The following PTPRD variants were observed in gnomAD, a reference collection of about 807,000 sequenced individuals.
PTPRD encodes protein tyrosine phosphatase receptor type D, also known as receptor-type tyrosine-protein phosphatase delta.
Under a neutral mutation model 214.5 loss-of-function variants are expected in PTPRD, and 34 were observed. That is an observed-to-expected ratio of 0.16 (90% CI 0.12 to 0.21). The LOEUF (loss-of-function observed/expected upper bound fraction) is 0.21. Among genes scored for constraint, PTPRD ranks in the 10% least tolerant of loss-of-function variants. The pLI is 1.00. For missense variants in PTPRD, 2,545 were observed against 2,398.7 expected (o/e 1.06, Z -1.27); for synonymous variants, 1,128 against 845.7 (o/e 1.33, Z -5.79).
intron 2 of PTPRD, among the ~76,000 whole-genome samples, chr9:10,471,154 G>A (rs11793666): frequency 0.13 from 10,361 of 77,520 alleles, 566 homozygotes; most frequent in East Asian, 0.49. Context: ...GTGGGTTGGG[G>A]GCTAGGGGAA....
intron 3 of PTPRD, among the ~76,000 whole-genome samples, chr9:10,127,229 G>A (rs957771931): frequency 6.6e-6 from 1 of 152,082 alleles, no homozygotes; most frequent in Non-Finnish European, 1.5e-5. Flanking sequence ...CACAAACGGT[G>A]CCAGAGTACT....
At chr9:10,243,449 T>G (rs1595157249) in intron 3 of PTPRD, among the ~76,000 whole-genome samples, 1 of 152,136 alleles carries the variant, frequency 6.6e-6, no homozygotes, top group Middle Eastern at 3.4e-3. Context: ...AAACTTACAT[T>G]TCTATAACAC....
At chr9:8,823,271 T>G (rs749070256) in intron 11 of PTPRD, among the ~76,000 whole-genome samples, 4 of 152,200 alleles carry the variant, frequency 2.6e-5, no homozygotes, top group Non-Finnish European at 2.9e-5. Context: ...AATTCCTGGA[T>G]GATTTCATCC....
At chr9:9,880,371 G>A (rs12345220) in intron 5 of PTPRD, among the ~76,000 whole-genome samples, 69 of 152,256 alleles carry the variant, frequency 4.5e-4, no homozygotes, top group Non-Finnish European at 7.5e-4. Context: ...AGATAACTAC[G>A]TGGTTAATGG....
At chr9:10,145,535 A>G (rs762980700) in intron 3 of PTPRD, among the ~76,000 whole-genome samples, 16 of 152,184 alleles carry the variant, frequency 1.1e-4, no homozygotes, top group Non-Finnish European at 2.1e-4. Flanking sequence ...AATACAGAAT[A>G]TAATATATAG....
At chr9:9,109,039 G>C (rs1345923982) in intron 10 of PTPRD, among the ~76,000 whole-genome samples, 2 of 151,996 alleles carry the variant, frequency 1.3e-5, no homozygotes, top group Non-Finnish European at 2.9e-5. Flanking sequence ...CTCTCCTTTA[G>C]GCAAGAATAA....
intron 11 of PTPRD, among the ~76,000 whole-genome samples, chr9:8,776,553 A>G (rs1472809885): frequency 6.6e-6 from 1 of 151,894 alleles, no homozygotes; most frequent in Non-Finnish European, 1.5e-5. Context: ...CGGCCTCCCA[A>G]AGTGCTGTGA....
rs376350043 is a variant in PTPRD at position 10,037,993 on chromosome 9, C to A, written c.-544-4203G>T. On this transcript the variant is annotated intron_variant, in intron 3 of 45. Transcript: ENST00000381196. ...TTCATCACACCTTGTATATGAGAGT[C>A]TATCTACAGACATTGATATGTCTGA... Among the ~76,000 whole-genome samples, 15 of 152,254 alleles carry A rather than the reference C, an allele frequency of 9.9e-5. No homozygotes were observed. The East Asian group carries it at 2.7e-3, about 27-fold the overall frequency.
chr9:10,205,438 C>T (rs921532387), intron 3 of PTPRD, among the ~76,000 whole-genome samples: 1 of 151,186 alleles, frequency 6.6e-6, no homozygotes, highest in Non-Finnish European at 1.5e-5. Context: ...CAGAGTCTTA[C>T]TCTGTTGCCC....
chr9:9,299,594 T>G (rs1954470709), intron 9 of PTPRD, among the ~76,000 whole-genome samples: 1 of 151,746 alleles, frequency 6.6e-6, no homozygotes. Flanking sequence ...GGCCCCTTCC[T>G]TTTTTGAAAG....
intron 5 of PTPRD, among the ~76,000 whole-genome samples, chr9:9,889,740 G>A (rs1451525678): frequency 6.6e-6 from 1 of 151,956 alleles, no homozygotes; most frequent in East Asian, 1.9e-4. Context: ...CAGGATAGAG[G>A]TCCTCTCTTC....
intron 21 of PTPRD, among the ~76,000 whole-genome samples, chr9:8,516,895 T>C (rs2097790940): frequency 7.1e-6 from 1 of 141,160 alleles, no homozygotes. Context: ...ACTTGCAAAC[T>C]CCATCTCCCA....
chr9:8,622,918 C>T (rs958173409), intron 14 of PTPRD, among the ~76,000 whole-genome samples: 2 of 151,504 alleles, frequency 1.3e-5, no homozygotes, highest in South Asian at 2.1e-4. Context: ...GTGGGAGGAT[C>T]GCTTAAGCCA....
intron 4 of PTPRD, among the ~76,000 whole-genome samples, chr9:10,008,576 C>T (rs1418711403): frequency 1.6e-5 from 2 of 123,442 alleles, no homozygotes; most frequent in Non-Finnish European, 4.0e-5. Flanking sequence ...CAGCTCCTCC[C>T]ATATCCTGTG....
chr9:8,415,194 A>T (rs563534159), intron 35 of PTPRD, among the ~76,000 whole-genome samples: 5 of 152,182 alleles, frequency 3.3e-5, no homozygotes, highest in Non-Finnish European at 7.4e-5. Context: ...ATGGTGCTGC[A>T]CACAAGAGAG....
intron 2 of PTPRD, among the ~76,000 whole-genome samples, chr9:10,603,997 AC>A (rs1423528155): frequency 6.6e-6 from 1 of 151,852 alleles, no homozygotes; most frequent in Non-Finnish European, 1.5e-5. Flanking sequence ...TTAATAACAC[AC>A]CCTTTAATTG....
intron 30 of PTPRD, among the ~76,000 whole-genome samples, chr9:8,472,650 C>A (rs538239532): frequency 2.7e-4 from 41 of 152,018 alleles, no homozygotes; most frequent in Non-Finnish European, 5.3e-4. Flanking sequence ...TGAAATATCT[C>A]AGTAATAATT....
chr9:9,373,702 T>G (rs895401701), intron 9 of PTPRD, among the ~76,000 whole-genome samples: 1 of 152,088 alleles, frequency 6.6e-6, no homozygotes. Context: ...TGTGATTACA[T>G]TAGAGCCTAT....
intron 11 of PTPRD, among the ~76,000 whole-genome samples, chr9:8,770,394 A>C (rs1371783507): frequency 1.3e-5 from 2 of 152,192 alleles, no homozygotes; most frequent in Non-Finnish European, 2.9e-5. Flanking sequence ...AAATAATTAG[A>C]AAATACAAGA....
Sources: gnomAD v4.1 joint callset for allele counts (sites outside exome capture counted in the v4.1 genomes callset) on GRCh38, gnomAD v4.1.1 for gene constraint, MANE v1.5 for transcripts, NCBI Gene and HGNC (gene_info 2026-07-23, HGNC 2026-07-21) for gene names.